VPS16: variants seen among roughly 807,000 people sequenced by gnomAD.
The protein encoded by VPS16 is vacuolar protein sorting-associated protein 16 homolog.
Under a neutral mutation model 116.0 loss-of-function variants are expected in VPS16, and 82 were observed. That is an observed-to-expected ratio of 0.71 (90% CI 0.59 to 0.85). The LOEUF (loss-of-function observed/expected upper bound fraction) is 0.85. Among genes scored for constraint, VPS16 ranks in the 40% least tolerant of loss-of-function variants. The pLI is 0.00. For synonymous variants in VPS16, 406 were observed against 420.7 expected (o/e 0.96, Z 0.43); for missense variants, 928 against 1,090.6 (o/e 0.85, Z 2.10).
Position 2,860,779 on chromosome 20 carries a change from G to C in VPS16, c.546G>C (p.Val182=), listed in dbSNP as rs892780603. Residue 182 remains valine (V), a synonymous_variant, in exon 6 of 24, where the codon GTG becomes GTC. Transcript: ENST00000380445. This position sits in a 1 kb window ranked among gnomAD's most constrained non-coding sequence, Gnocchi z 6.1. ...AAAGTGCACCCTCCTGCTGGACTGT[G>C]CTGTGCCAGGACCGAGTGGCACACA... is the stretch of plus-strand genomic sequence containing the variant. ...GLQSAPSCWT[V]LCQDRVAHIL... 2 of 1,613,932 alleles carry C rather than the reference G, an allele frequency of 1.2e-6. No individual in the cohort carries two copies. The highest frequency in any genetic ancestry group is 8.5e-7 in the Non-Finnish European group (1 of 1,180,052).
intron 1 of VPS16, among the ~76,000 whole-genome samples, chr20:2,847,985 C>T (rs549637886): frequency 1.1e-4 from 17 of 152,172 alleles, no homozygotes; most frequent in African/African-American, 4.1e-4. Flanking sequence ...TTTTTCTTGC[C>T]CTTTCCCTAG....
intron 1 of VPS16, among the ~76,000 whole-genome samples, chr20:2,857,650 C>T (rs1448780902): frequency 4.6e-5 from 7 of 152,040 alleles, no homozygotes; most frequent in Admixed American, 4.6e-4. Flanking sequence ...GCTGGGATTA[C>T]AGGCACCCAC....
intron 1 of VPS16, among the ~76,000 whole-genome samples, chr20:2,858,097 T>C (rs1405049340): frequency 6.6e-6 from 1 of 150,478 alleles, no homozygotes; most frequent in Non-Finnish European, 1.5e-5. Context: ...TAGACTACTT[T>C]GGGTTTTTTT....
chr20:2,851,886 G>A (rs774457820), intron 1 of VPS16, among the ~76,000 whole-genome samples: 1 of 152,162 alleles, frequency 6.6e-6, no homozygotes, highest in Non-Finnish European at 1.5e-5. Flanking sequence ...TAGGAGGATG[G>A]CGTGAAGTCG....
In VPS16 at chr20:2,861,916, G is replaced by C; in HGVS notation, c.994+17G>C. The C allele has an allele frequency of 6.2e-7, 1 of 1,612,382 alleles. No homozygotes were observed. ...AGGTTCCAGGTGAGGCCTTCACAAG[G>C]GCACCACATAACCCAAGGTGGGGAC... On this transcript the variant is annotated intron_variant, in intron 10 of 23. Coordinates refer to ENST00000380445, the MANE Select transcript of VPS16 (RefSeq NM_022575.4).
rs770104209 is a variant in VPS16 at position 2,861,250 on chromosome 20, A to G, written c.779A>G (p.Asn260Ser). 6.2e-7 allele frequency: 1 copy of G among 1,614,210 alleles called. No homozygotes were observed. Among genetic ancestry groups the G allele is most frequent in the Non-Finnish European group, 8.5e-7 (1 of 1,180,034 alleles). The change falls in exon 8 of 24, where the codon AAC becomes AGC. Residue 260 changes from asparagine to serine, a missense_variant. Asn to Ser is a conservative substitution (Grantham distance 46, BLOSUM62 1). Transcript: ENST00000380445. ...GAGAAGCTATGTGAGTTCAACTGCA[A>G]CATCCGGGCACCTCCAAAGCAGATG... The part of the protein sequence containing the change: ...LKEKLCEFNC[N>S]IRAPPKQMVW...
At chr20:2,862,386 A>T in intron 11 of VPS16, 193 bp from the exon 12 acceptor site, 1 of 1,246,616 alleles carries the variant, frequency 8.0e-7, no homozygotes, top group Non-Finnish European at 1.1e-6. Flanking sequence ...GCCCCCCTAA[A>T]GGCAGCTGTG....
chr20:2,842,680 A>C lies in VPS16; in HGVS notation c.53+1853A>C, dbSNP rs959429034. 7.8e-5 allele frequency among the ~76,000 whole-genome samples: 11 copies of C among 141,604 alleles called. No homozygotes were observed. In the East Asian group the frequency reaches 2.0e-3, roughly 26 times the overall value. 92.9% of individuals were successfully genotyped at this position (141,604 alleles called of 152,430 possible). On this transcript the variant is annotated intron_variant, in intron 1 of 23. Transcript: ENST00000380445. Reference sequence around the variant, plus strand: ...TAGATATATAGATGTATCTATATATATATAGATACATCTAGATGTATCTAT... The same window carrying C: ...TAGATATATAGATGTATCTATATATCTATAGATACATCTAGATGTATCTAT...
Position 2,864,351 on chromosome 20 carries a change from T to G in VPS16, c.1721-14T>G. The G allele has an allele frequency of 6.2e-7, 1 of 1,614,068 alleles. No homozygotes were observed. ...GCCTGGCTGGAATTCCCACTCCACCTTACTCTCCTGCAGTGTTCACGGTGT... is the reference window on the plus strand; with the variant it reads ...GCCTGGCTGGAATTCCCACTCCACCGTACTCTCCTGCAGTGTTCACGGTGT... On this transcript the variant is annotated splice_polypyrimidine_tract_variant and intron_variant, in intron 17 of 23. Coordinates refer to ENST00000380445, the MANE Select transcript of VPS16 (RefSeq NM_022575.4). The surrounding 1 kb of genome is among the most constrained non-coding windows in gnomAD (Gnocchi z 5.2).
intron 1 of VPS16, among the ~76,000 whole-genome samples, chr20:2,853,045 G>A (rs562231169): frequency 2.6e-5 from 4 of 152,066 alleles, no homozygotes; most frequent in Non-Finnish European, 5.9e-5. Context: ...GTAATACTCC[G>A]AATCCTTTGT....
Position 2,865,289 on chromosome 20 carries a change from G to C in VPS16, c.2146G>C (p.Ala716Pro). 6.2e-7 allele frequency: 1 copy of C among 1,614,140 alleles called. No individual in the cohort carries two copies. Among genetic ancestry groups the C allele is most frequent in the Non-Finnish European group, 8.5e-7 (1 of 1,180,046 alleles). Residue 716 changes from alanine to proline, a missense_variant, in exon 21 of 24, where the codon GCA (alanine) becomes CCA (proline). Ala to Pro is a conservative substitution (Grantham distance 27). Transcript: ENST00000380445. The surrounding 1 kb of genome is among the most constrained non-coding windows in gnomAD (Gnocchi z 5.2). Reference protein sequence around the residue: ...GGHNKRAEQLARDFRIPDKRL... With the variant: ...GGHNKRAEQLPRDFRIPDKRL... ...TCACAACAAGCGTGCAGAGCAGCTG[G>C]CACGTGACTTCCGCATCCCTGACAA...
intron 8 of VPS16, 67 bp from the exon 9 acceptor site, chr20:2,861,548 A>G: frequency 6.6e-7 from 1 of 1,523,732 alleles, no homozygotes. Flanking sequence ...ACAAAGGATT[A>G]TGAGCAGCCA....
At chr20:2,848,725 C>CT (rs1265659004) in intron 1 of VPS16, among the ~76,000 whole-genome samples, 16 of 152,302 alleles carry the variant, frequency 1.1e-4, no homozygotes, top group African/African-American at 3.4e-4. Context: ...CCTTGATTAG[C>CT]TGCAGTGCTT....
chr20:2,855,742 C>T (rs1273359789), intron 1 of VPS16, among the ~76,000 whole-genome samples: 4 of 152,172 alleles, frequency 2.6e-5, no homozygotes, highest in African/African-American at 9.7e-5. Flanking sequence ...ATGGCTTTTT[C>T]CCTTAAACCT....
rs532737090 is a variant in VPS16, at chr20:2,861,139, C to T, written c.753+47C>T. The T allele has an allele frequency of 6.8e-6, 11 of 1,614,166 alleles. No homozygotes were observed. The South Asian group carries it at 9.9e-5, about 14-fold the overall frequency. On this transcript the variant is annotated intron_variant, in intron 7 of 23. Transcript: ENST00000380445. ...GGGGTACTGTGCCTTGTCCAGGGTA[C>T]AAGATCTTTTGGTGATGCGGGAGGG...
In VPS16 at chr20:2,866,604, G is replaced by T. The variant is rs767017554; in HGVS notation, c.*30G>T. Reference sequence around the variant, plus strand: ...TCCATCCTGTACATCTCAAGCAAGGGGTTCCTCCCCTAGCACCTGGGCTTG... The same window carrying T: ...TCCATCCTGTACATCTCAAGCAAGGTGTTCCTCCCCTAGCACCTGGGCTTG... On this transcript the variant is annotated 3_prime_UTR_variant, in exon 24 of 24. Transcript: ENST00000380445. 56 of 1,611,662 alleles carry T rather than the reference G, an allele frequency of 3.5e-5. No individual in the cohort carries two copies. The highest frequency in any genetic ancestry group is 3.7e-5 in the Non-Finnish European group (44 of 1,178,910).
chr20:2,857,610 A>G (rs1407350381), intron 1 of VPS16, among the ~76,000 whole-genome samples: 2 of 152,080 alleles, frequency 1.3e-5, no homozygotes, highest in African/African-American at 4.8e-5. Context: ...CCTGGGTTCA[A>G]GTGATTCTCC....
Position 2,866,608 on chromosome 20 carries a change from C to T in VPS16, c.*34C>T. ...TCCTGTACATCTCAAGCAAGGGGTT[C>T]CTCCCCTAGCACCTGGGCTTGGCAG... On this transcript the variant is annotated 3_prime_UTR_variant, in exon 24 of 24. Transcript: ENST00000380445. 6.2e-7 allele frequency: 1 copy of T among 1,610,688 alleles called. No homozygotes were observed. Among genetic ancestry groups the T allele is most frequent in the Admixed American group, 1.7e-5 (1 of 59,874 alleles).
intron 1 of VPS16, among the ~76,000 whole-genome samples, chr20:2,856,332 C>G (rs376192091): frequency 1.1e-4 from 16 of 152,114 alleles, no homozygotes; most frequent in African/African-American, 3.9e-4. Context: ...GTAGTAACAT[C>G]ACTGATCACA....
Sources: allele counts gnomAD v4.1 joint callset (sites outside exome capture counted in the v4.1 genomes callset), GRCh38; gene constraint gnomAD v4.1.1; non-coding constraint Gnocchi (gnomAD v3.1); transcripts MANE v1.5; gene names NCBI Gene and HGNC (gene_info 2026-07-23, HGNC 2026-07-21).